The following SH3D19 variants were observed in gnomAD, a reference collection of about 807,000 sequenced individuals.
The protein encoded by SH3D19 is SH3 domain containing 19, also known as SH3 domain-containing protein 19.
SH3D19 carries 58 observed loss-of-function variants against 112.1 expected under a neutral mutation model. That is an observed-to-expected ratio of 0.52 (90% CI 0.42 to 0.64). The LOEUF (loss-of-function observed/expected upper bound fraction) is 0.64. Ranked by LOEUF, SH3D19 falls within the 30% of genes least tolerant of loss-of-function variation. SH3D19 has a pLI of 0.00. For missense variants in SH3D19, 1,090 were observed against 1,263.4 expected (o/e 0.86, Z 2.08); for synonymous variants, 391 against 448.5 (o/e 0.87, Z 1.62).
At chr4:151,186,442 C>G (rs892596513) in intron 3 of SH3D19, among the ~76,000 whole-genome samples, 41 of 152,148 alleles carry the variant, frequency 2.7e-4, no homozygotes, top group African/African-American at 9.1e-4. Flanking sequence ...CTTCTTTTTT[C>G]TTTTCTTTGA....
intron 1 of SH3D19, chr4:151,227,928 G>C (rs1488983899): frequency 1.0e-6 from 1 of 985,288 alleles, no homozygotes; most frequent in Non-Finnish European, 1.2e-6. Context: ...ATGTAAACAA[G>C]ACTCAGTATC....
At chr4:151,265,551 ATTTAT>A (rs934176707) in intron 1 of SH3D19, among the ~76,000 whole-genome samples, 1 of 134,558 alleles carries the variant, frequency 7.4e-6, no homozygotes, top group Non-Finnish European at 1.6e-5. Flanking sequence ...TAATCCTTAT[ATTTAT>A]TTTATTTCTT....
At chr4:151,299,016 T>C (rs550196964) in intron 1 of SH3D19, among the ~76,000 whole-genome samples, 8 of 152,350 alleles carry the variant, frequency 5.3e-5, no homozygotes, top group African/African-American at 1.9e-4. Context: ...CTTCTCATAC[T>C]TAAGGATTTG....
chr4:151,234,282 TG>T (rs1165968754), intron 1 of SH3D19, among the ~76,000 whole-genome samples: 2 of 152,270 alleles, frequency 1.3e-5, no homozygotes, highest in African/African-American at 4.8e-5. Context: ...TCATTCTGAT[TG>T]TTGAATTCAA....
chr4:151,303,795 A>ATTCAAGGTCTGAATGAGGGGT (rs1457665703), intron 1 of SH3D19, among the ~76,000 whole-genome samples: 5 of 152,172 alleles, frequency 3.3e-5, no homozygotes, highest in Non-Finnish European at 5.9e-5. Context: ...TAAGCTGCCC[A>ATTCAAGGTCTGAATGAGGGGT]TTCAAGGTCT....
chr4:151,296,074 C>G (rs72725927), intron 1 of SH3D19, among the ~76,000 whole-genome samples: 53,518 of 149,480 alleles, frequency 0.36, 10,635 homozygotes, highest in Non-Finnish European at 0.46. Flanking sequence ...GAAAGAAAAT[C>G]GTTTTTAAGA....
intron 1 of SH3D19, among the ~76,000 whole-genome samples, chr4:151,271,547 T>G (rs1457899628): frequency 6.6e-6 from 1 of 152,106 alleles, no homozygotes; most frequent in Non-Finnish European, 1.5e-5. Context: ...TAGGTAGAGA[T>G]TAGGGATGCT....
At chr4:151,182,137 C>T (rs1761058510) in intron 3 of SH3D19, among the ~76,000 whole-genome samples, 2 of 151,990 alleles carry the variant, frequency 1.3e-5, no homozygotes, top group Non-Finnish European at 1.5e-5. Flanking sequence ...TACAGGCATG[C>T]ACGACCACAC....
chr4:151,233,083 G>A (rs578106178), intron 1 of SH3D19, among the ~76,000 whole-genome samples: 9 of 151,870 alleles, frequency 5.9e-5, no homozygotes, highest in South Asian at 4.2e-4. Context: ...ATTGTGAACC[G>A]CACATGGGAG....
At chr4:151,296,960 C>T (rs1775755252) in intron 1 of SH3D19, among the ~76,000 whole-genome samples, 1 of 152,122 alleles carries the variant, frequency 6.6e-6, no homozygotes. Context: ...AATGTCAAAG[C>T]TATATTTTGA....
chr4:151,267,651 A>G (rs1381659576), intron 1 of SH3D19, among the ~76,000 whole-genome samples: 1 of 152,240 alleles, frequency 6.6e-6, no homozygotes, highest in Non-Finnish European at 1.5e-5. Flanking sequence ...AATGAGAACT[A>G]TAGACTATAG....
chr4:151,121,993 C>A lies in SH3D19; in HGVS notation c.*98G>T, dbSNP rs958323756. The A allele has an allele frequency of 5.8e-6, 4 of 690,628 alleles. No individual in the cohort carries two copies. Among genetic ancestry groups the A allele is most frequent in the East Asian group, 5.0e-5 (2 of 39,916 alleles). The allele number at this position is 690,628 out of a possible 1,614,324, so 42.8% of individuals were successfully genotyped here. ...TGTACCATGTACAGCTTAGATATTTCTTTTTCAGTTAAAAAAAATAGTGCA... is the reference window on the plus strand; with the variant it reads ...TGTACCATGTACAGCTTAGATATTTATTTTTCAGTTAAAAAAAATAGTGCA... On this transcript the variant is annotated 3_prime_UTR_variant, in exon 20 of 20. Transcript: ENST00000604030.
intron 1 of SH3D19, among the ~76,000 whole-genome samples, chr4:151,231,014 T>C (rs1435534992): frequency 1.3e-5 from 2 of 152,208 alleles, no homozygotes; most frequent in African/African-American, 4.8e-5. Flanking sequence ...GTATATATTA[T>C]TTTTAAAATA....
intron 2 of SH3D19, among the ~76,000 whole-genome samples, chr4:151,202,169 A>T (rs999792640): frequency 6.6e-6 from 1 of 152,088 alleles, no homozygotes; most frequent in African/African-American, 2.4e-5. Flanking sequence ...CCCTGTCTCT[A>T]CTAAAAATAC....
intron 1 of SH3D19, among the ~76,000 whole-genome samples, chr4:151,245,573 C>A (rs1052721887): frequency 6.6e-6 from 1 of 152,086 alleles, no homozygotes; most frequent in South Asian, 2.1e-4. Context: ...TATTGGATGG[C>A]TTTGCATTGG....
chr4:151,291,266 C>T (rs778689812), intron 1 of SH3D19: 1 of 1,613,994 alleles, frequency 6.2e-7, no homozygotes, highest in Non-Finnish European at 8.5e-7. Context: ...GCCACTATTT[C>T]AAGAGCCAAC....
At chr4:151,303,950 T>G (rs1349415437) in intron 1 of SH3D19, among the ~76,000 whole-genome samples, 2 of 151,944 alleles carry the variant, frequency 1.3e-5, no homozygotes, top group African/African-American at 4.8e-5. Context: ...CTCATTTTTT[T>G]TTTTAAACTT....
At chr4:151,324,084 T>C (rs945946694) in intron 1 of SH3D19, among the ~76,000 whole-genome samples, 2 of 152,262 alleles carry the variant, frequency 1.3e-5, no homozygotes, top group African/African-American at 2.4e-5. Flanking sequence ...GGTGTTCATA[T>C]AGACAGCCAA....
intron 7 of SH3D19, among the ~76,000 whole-genome samples, chr4:151,167,457 A>G (rs1230480249): frequency 6.6e-6 from 1 of 151,888 alleles, no homozygotes; most frequent in Non-Finnish European, 1.5e-5. Flanking sequence ...CTGTCCATGT[A>G]TTTTCTATAA....
Sources: gnomAD v4.1 joint callset for allele counts (sites outside exome capture counted in the v4.1 genomes callset) on GRCh38, gnomAD v4.1.1 for gene constraint, MANE v1.5 for transcripts, NCBI Gene and HGNC (gene_info 2026-07-23, HGNC 2026-07-21) for gene names.